Variants in SGCD observed in about 807,000 individuals in gnomAD.
SGCD encodes delta-sarcoglycan.
A neutral mutation model predicts 36.6 loss-of-function variants in SGCD; 18 were observed. The ratio of observed to expected loss-of-function variants is 0.49; its 90% CI spans 0.34 to 0.73. The LOEUF (loss-of-function observed/expected upper bound fraction) is 0.73. Ranked by LOEUF, SGCD falls within the 30% of genes least tolerant of loss-of-function variation. The pLI is 0.01. For missense variants in SGCD, 387 were observed against 346.7 expected (o/e 1.12, Z -0.92); for synonymous variants, 133 against 130.6 (o/e 1.02, Z -0.12).
intron 3 of SGCD, among the ~76,000 whole-genome samples, chr5:156,428,791 C>T (rs1420430226): frequency 2.0e-5 from 3 of 152,006 alleles, no homozygotes; most frequent in African/African-American, 7.2e-5. Context: ...ATTGTTGACC[C>T]AAACATCATT....
chr5:156,560,989 T>G (rs1221241907), intron 4 of SGCD, among the ~76,000 whole-genome samples: 3 of 152,216 alleles, frequency 2.0e-5, no homozygotes, highest in Non-Finnish European at 4.4e-5. Context: ...ATTGCTACTA[T>G]TGTAATTATT....
At chr5:156,748,779 C>A (rs528148073) in intron 7 of SGCD, among the ~76,000 whole-genome samples, 16 of 152,076 alleles carry the variant, frequency 1.1e-4, no homozygotes, top group Non-Finnish European at 2.4e-4. Flanking sequence ...CATACTGAGA[C>A]AAAAAGGTAG....
chr5:155,964,944 G>T (rs896431369), intron 1 of SGCD, among the ~76,000 whole-genome samples: 1 of 152,062 alleles, frequency 6.6e-6, no homozygotes, highest in Non-Finnish European at 1.5e-5. Flanking sequence ...ATTACTCCTG[G>T]GTGCCAGGAT....
intron 1 of SGCD, among the ~76,000 whole-genome samples, chr5:156,108,767 G>T (rs1254143558): frequency 2.0e-5 from 3 of 152,070 alleles, no homozygotes; most frequent in Non-Finnish European, 4.4e-5. Context: ...TGGATAAGAG[G>T]GTTGATCAAG....
chr5:156,751,701 A>G (rs1476904153), intron 7 of SGCD, among the ~76,000 whole-genome samples: 1 of 152,258 alleles, frequency 6.6e-6, no homozygotes, highest in Non-Finnish European at 1.5e-5. Flanking sequence ...CAAGATGCTT[A>G]ACTCCATTAA....
intron 3 of SGCD, among the ~76,000 whole-genome samples, chr5:156,463,812 T>C (rs1754602624): frequency 6.6e-6 from 1 of 151,940 alleles, no homozygotes; most frequent in Admixed American, 6.6e-5. Context: ...CTGGGCAACA[T>C]GGCAAGACCT....
intron 3 of SGCD, among the ~76,000 whole-genome samples, chr5:156,133,469 G>GCAAA (rs1762376187): frequency 6.6e-6 from 1 of 151,938 alleles, no homozygotes; most frequent in Non-Finnish European, 1.5e-5. Flanking sequence ...CTCATTTTAT[G>GCAAA]GATGAGGAAA....
chr5:156,090,983 C>A (rs1761227640), intron 1 of SGCD, among the ~76,000 whole-genome samples: 4 of 152,124 alleles, frequency 2.6e-5, no homozygotes, highest in Admixed American at 1.3e-4. Flanking sequence ...TTATTCTGTT[C>A]TTTTTCAGGG....
chr5:156,401,018 T>G (rs975948991), intron 3 of SGCD, among the ~76,000 whole-genome samples: 1 of 152,226 alleles, frequency 6.6e-6, no homozygotes, highest in Non-Finnish European at 1.5e-5. Context: ...CTGATTAACC[T>G]CCTAGACACT....
At chr5:156,534,922 G>T (rs1370476682) in intron 4 of SGCD, among the ~76,000 whole-genome samples, 1 of 152,100 alleles carries the variant, frequency 6.6e-6, no homozygotes, top group Non-Finnish European at 1.5e-5. Context: ...TCAATGGATT[G>T]GTAGTTTGGT....
Position 155,933,310 on chromosome 5 carries a change from A to G in SGCD, c.-282+62886A>G, listed in dbSNP as rs145846263. Reference sequence around the variant, plus strand: ...ATTTTATCAGATATTAATATCATATATATCCCATTCTACTCCCTTATCCTT... The same window carrying G: ...ATTTTATCAGATATTAATATCATATGTATCCCATTCTACTCCCTTATCCTT... On this transcript the variant is annotated intron_variant, in intron 1 of 9. Transcript: ENST00000517913. Among the ~76,000 whole-genome samples, 649 of 152,302 alleles carry G rather than the reference A, an allele frequency of 4.3e-3. 3 individuals carry two copies. The highest frequency in any genetic ancestry group is 0.015 in the African/African-American group (630 of 41,552).
At chr5:156,753,181 A>ACCCCAGG (rs1757212060) in intron 7 of SGCD, among the ~76,000 whole-genome samples, 1 of 151,904 alleles carries the variant, frequency 6.6e-6, no homozygotes, top group Admixed American at 6.6e-5. Flanking sequence ...GGTGATTCTG[A>ACCCCAGG]TGCTCACATT....
chr5:155,924,455 C>G (rs1225476656), intron 1 of SGCD, among the ~76,000 whole-genome samples: 1 of 152,158 alleles, frequency 6.6e-6, no homozygotes, highest in Non-Finnish European at 1.5e-5. Context: ...GAATGCTTAG[C>G]CAGAGAGAGC....
At chr5:156,356,217 G>C (rs1176304614) in intron 3 of SGCD, among the ~76,000 whole-genome samples, 1 of 152,182 alleles carries the variant, frequency 6.6e-6, no homozygotes, top group Non-Finnish European at 1.5e-5. Context: ...AGATTGGGCA[G>C]AGCTCAGGGG....
At chr5:156,504,127 C>T (rs1198387276) in intron 3 of SGCD, among the ~76,000 whole-genome samples, 1 of 151,340 alleles carries the variant, frequency 6.6e-6, no homozygotes, top group Non-Finnish European at 1.5e-5. Flanking sequence ...TCACTTGAAC[C>T]TGGAAGGCGG....
At chr5:156,099,879 C>G (rs1761478832) in intron 1 of SGCD, among the ~76,000 whole-genome samples, 1 of 151,774 alleles carries the variant, frequency 6.6e-6, no homozygotes, top group African/African-American at 2.4e-5. Context: ...GCTAATATAC[C>G]CAGCTGTTTT....
chr5:156,648,198 A>G (rs1763303697), intron 7 of SGCD, among the ~76,000 whole-genome samples: 1 of 151,932 alleles, frequency 6.6e-6, no homozygotes, highest in African/African-American at 2.4e-5. Context: ...GTTGAAACAA[A>G]TAGAACTATT....
At chr5:155,740,202 G>A in the SGCD span, among the ~76,000 whole-genome samples, 1 of 152,124 alleles carries the variant, frequency 6.6e-6, no homozygotes, top group Non-Finnish European at 1.5e-5. Flanking sequence ...GAGCTTAAGT[G>A]ATCCTCCTGC....
intron 3 of SGCD, among the ~76,000 whole-genome samples, chr5:156,224,973 T>C (rs891907639): frequency 2.0e-5 from 3 of 152,264 alleles, no homozygotes; most frequent in Middle Eastern, 3.4e-3. Flanking sequence ...ATAGAAGGTA[T>C]ATTTCCCATT....
Sources: allele counts gnomAD v4.1 joint callset (sites outside exome capture counted in the v4.1 genomes callset), GRCh38; gene constraint gnomAD v4.1.1; transcripts MANE v1.5; gene names NCBI Gene and HGNC (gene_info 2026-07-23, HGNC 2026-07-21).